CLASRP: variants seen among roughly 807,000 people sequenced by gnomAD.
CLASRP encodes the protein CLK4-associating serine/arginine rich protein.
CLASRP carries 52 observed loss-of-function variants against 99.9 expected under a neutral mutation model. The ratio of observed to expected loss-of-function variants is 0.52; its 90% CI spans 0.42 to 0.66. The LOEUF (loss-of-function observed/expected upper bound fraction) is 0.66. CLASRP is among the 30% of genes least tolerant of loss of function. CLASRP has a pLI of 0.00. For synonymous variants in CLASRP, 379 were observed against 373.0 expected (o/e 1.02, Z -0.18); for missense variants, 848 against 999.2 (o/e 0.85, Z 2.04).
Position 45,052,276 on chromosome 19 carries a change from G to T in CLASRP, c.197+108G>T, listed in dbSNP as rs375029997. ...GACTGAAGTATGGACAGACCTTTGG[G>T]GACTCAGAGGCAGGGAAGGTGTGAC... is the stretch of plus-strand genomic sequence containing the variant. On this transcript the variant is annotated intron_variant, in intron 3 of 20. Coordinates refer to ENST00000221455, the MANE Select transcript of CLASRP (RefSeq NM_007056.3). 5.4e-4 allele frequency: 470 copies of T among 866,822 alleles called. 3 individuals are homozygous for T. The African/African-American group carries it at 7.0e-3, about 13-fold the overall frequency. 53.7% of individuals were successfully genotyped at this position (866,822 alleles called of 1,614,324 possible).
In CLASRP at chr19:45,068,019, G is replaced by A. The variant is rs752424431; in HGVS notation, c.1672G>A (p.Glu558Lys). ...PAVGEKLKKT[E>K]PAAGKETGAA... ...TCTGGCCCTGCCCCCACCCAGGACC[G>A]AACCTGCCGCTGGTAAAGAGACAGG... Residue 558 changes from glutamate (E) to lysine (K), a missense_variant, in exon 15 of 21, where the codon GAA becomes AAA. Around this residue, in one of 8 missense-constraint regions of CLASRP, gnomAD observed 489 missense variants for 434.7 expected, o/e 1.12. Coordinates refer to ENST00000221455, the MANE Select transcript of CLASRP (RefSeq NM_007056.3). 12 of 1,613,038 alleles carry A rather than the reference G, an allele frequency of 7.4e-6. No individual in the cohort carries two copies. The highest frequency in any genetic ancestry group is 9.3e-6 in the Non-Finnish European group (11 of 1,179,310).
At chr19:45,049,175 C>T (rs1045658209) in intron 2 of CLASRP, among the ~76,000 whole-genome samples, 2 of 152,136 alleles carry the variant, frequency 1.3e-5, no homozygotes, top group African/African-American at 2.4e-5. Flanking sequence ...GCTGACCCTG[C>T]CAGTAGCTTC....
At chr19:45,042,617 CTT>C (rs549129595) in intron 2 of CLASRP, among the ~76,000 whole-genome samples, 2 of 143,966 alleles carry the variant, frequency 1.4e-5, no homozygotes, top group African/African-American at 2.5e-5. Flanking sequence ...GCTCCAAAAT[CTT>C]TTTTTTTTTT....
At chr19:45,047,036 A>T (rs1358799199) in intron 2 of CLASRP, among the ~76,000 whole-genome samples, 1 of 152,130 alleles carries the variant, frequency 6.6e-6, no homozygotes, top group African/African-American at 2.4e-5. Context: ...TCCAAAAAAA[A>T]AAGTGGATTT....
Position 45,064,136 on chromosome 19 carries a change from G to GCTGCC in CLASRP, c.1031_1035dup (p.Ala346LeufsTer165). The GCTGCC allele has an allele frequency of 3.7e-6, 6 of 1,610,576 alleles. No homozygotes were observed. The highest frequency in any genetic ancestry group is 5.1e-6 in the Non-Finnish European group (6 of 1,179,438). On this transcript the variant is annotated frameshift_variant, in exon 12 of 21. Coordinates refer to ENST00000221455, the MANE Select transcript of CLASRP (RefSeq NM_007056.3). LOFTEE classifies it high-confidence loss of function. Reference sequence around the variant, plus strand: ...CGATGAGGAGGCAGCCGCAGCCGCTGCTGCCGCAGCAGCATCAGGAGTCAC... The same window carrying GCTGCC: ...CGATGAGGAGGCAGCCGCAGCCGCTGCTGCCCTGCCGCAGCAGCATCAGGAGTCAC...
rs1483128267 is a variant in CLASRP, at chr19:45,064,135, T to C, written c.1029T>C (p.Ala343=). 2 of 1,610,246 alleles carry C rather than the reference T, an allele frequency of 1.2e-6. No individual in the cohort carries two copies. Among genetic ancestry groups the C allele is most frequent in the Admixed American group, 1.7e-5 (1 of 59,924 alleles). ...GCGATGAGGAGGCAGCCGCAGCCGCTGCTGCCGCAGCAGCATCAGGAGTCA... is the reference window on the plus strand; with the variant it reads ...GCGATGAGGAGGCAGCCGCAGCCGCCGCTGCCGCAGCAGCATCAGGAGTCA... ...GGSDEEAAAA[A]AAAAASGVTT... is the part of the protein sequence containing the mutation. The change falls in exon 12 of 21, where the codon GCT becomes GCC. Residue 343 remains alanine (A), a synonymous_variant. Transcript: ENST00000221455.
rs182545030 is a variant in CLASRP, at chr19:45,048,069, C to G, written c.100-4002C>G. On this transcript the variant is annotated intron_variant, in intron 2 of 20. Transcript: ENST00000221455. ...CAGCCTGGGCAACAAGAGTGAAACT[C>G]TTGTCTCAAAACAAACAAACAAAAA... Among the ~76,000 whole-genome samples the G allele has an allele frequency of 2.6e-5, 4 of 151,834 alleles. No homozygotes were observed. The East Asian group carries it at 7.9e-4, about 30-fold the overall frequency.
chr19:45,064,348 GCTCCTCCTCCTC>G lies in CLASRP; in HGVS notation c.1140_1151del (p.Ser382_Ser385del). On this transcript the variant is annotated inframe_deletion, in exon 13 of 21. Coordinates refer to ENST00000221455, the MANE Select transcript of CLASRP (RefSeq NM_007056.3). ...CCTCCGTGCCCCGCCTGCAGCCGCCGCTCCTCCTCCTCCTCCTCCTCCTCTTCTGCCTCGAGG... is the reference window on the plus strand; with the variant it reads ...CCTCCGTGCCCCGCCTGCAGCCGCCGCTCCTCCTCCTCTTCTGCCTCGAGG... 5 of 1,525,918 alleles carry G rather than the reference GCTCCTCCTCCTC, an allele frequency of 3.3e-6. No homozygotes were observed. Among genetic ancestry groups the G allele is most frequent in the Non-Finnish European group, 3.5e-6 (4 of 1,140,472 alleles). 94.5% of individuals were successfully genotyped at this position (1,525,918 alleles called of 1,614,324 possible).
chr19:45,044,237 G>T (rs529684065), intron 2 of CLASRP, among the ~76,000 whole-genome samples: 1 of 152,326 alleles, frequency 6.6e-6, no homozygotes, highest in South Asian at 2.1e-4. Context: ...CACCAGCTTG[G>T]CATAGTAGTC....
At chr19:45,054,821 G>C (rs951820660) in intron 5 of CLASRP, among the ~76,000 whole-genome samples, 1 of 152,182 alleles carries the variant, frequency 6.6e-6, no homozygotes, top group Non-Finnish European at 1.5e-5. Flanking sequence ...GTGGTTGTAA[G>C]AGTTGAGTGA....
At chr19:45,069,561 A>C (rs1967184988) in intron 18 of CLASRP, 1 of 540,170 alleles carries the variant, frequency 1.9e-6, no homozygotes, top group Non-Finnish European at 3.3e-6. Flanking sequence ...ACCCACCGCC[A>C]TGGGTCTTTC....
At position 45,069,239 on chromosome 19, in the gene CLASRP, T is replaced by A; in HGVS notation, c.1865T>A (p.Ile622Asn). The change falls in exon 18 of 21, where the codon ATC becomes AAC. Residue 622 changes from isoleucine to asparagine, a missense_variant. Transcript: ENST00000221455. ...EDELRAMARKIRMKERERREK... is the reference protein window; with the variant it reads ...EDELRAMARKNRMKERERREK... ...GAGCTTCGAGCCATGGCCCGCAAGA[T>A]CCGCATGAAGTAAGACCTTGCCCCT... is the stretch of plus-strand genomic sequence containing the variant. 1 of 1,613,492 alleles carries A rather than the reference T, an allele frequency of 6.2e-7. No individual in the cohort carries two copies. Among genetic ancestry groups the A allele is most frequent in the Non-Finnish European group, 8.5e-7 (1 of 1,180,006 alleles).
At position 45,060,983 on chromosome 19, in the gene CLASRP, G is replaced by T. The variant is rs1017483979; in HGVS notation, c.863+356G>T. ...TGGCTTCTTCCTGTGTCGGAGTTTG[G>T]ACAAGTGACTTCCCGAACTCTCTGA... On this transcript the variant is annotated intron_variant, in intron 10 of 20. Transcript: ENST00000221455. The surrounding 1 kb of genome is among the most constrained non-coding windows in gnomAD (Gnocchi z 4.6). Among the ~76,000 whole-genome samples, 1 of 152,198 alleles carries T rather than the reference G, an allele frequency of 6.6e-6. No homozygotes were observed. Among genetic ancestry groups the T allele is most frequent in the Non-Finnish European group, 1.5e-5 (1 of 68,032 alleles).
At chr19:45,052,036 T>C in intron 2 of CLASRP, 35 bp from the exon 3 acceptor site, 1 of 1,564,838 alleles carries the variant, frequency 6.4e-7, no homozygotes, top group Non-Finnish European at 8.8e-7. Flanking sequence ...TGGAGCTCTG[T>C]TGGGTGGTGA....
chr19:45,053,005 G>C, intron 4 of CLASRP, 93 bp from the exon 5 acceptor site: 6 of 1,550,754 alleles, frequency 3.9e-6, no homozygotes, highest in Non-Finnish European at 8.9e-7. Flanking sequence ...GTACCGCCCT[G>C]AGCCTGAGGG....
At chr19:45,064,985 G>A (rs965402722) in intron 13 of CLASRP, among the ~76,000 whole-genome samples, 2 of 152,136 alleles carry the variant, frequency 1.3e-5, no homozygotes, top group African/African-American at 4.8e-5. Context: ...GTTTTCTGTA[G>A]CTTGAAGGGA....
intron 2 of CLASRP, among the ~76,000 whole-genome samples, chr19:45,045,545 G>A (rs560044461): frequency 3.3e-5 from 5 of 152,110 alleles, no homozygotes; most frequent in South Asian, 4.2e-4. Flanking sequence ...ATGTTTTCCC[G>A]TAACATTTCC....
rs1967130747 is a variant in CLASRP, at chr19:45,067,948, T to A, written c.1668-67T>A. 2 of 1,195,110 alleles carry A rather than the reference T, an allele frequency of 1.7e-6. No individual in the cohort carries two copies. Among genetic ancestry groups the A allele is most frequent in the Non-Finnish European group, 2.5e-6 (2 of 798,726 alleles). 74.0% of individuals were successfully genotyped at this position (1,195,110 alleles called of 1,614,324 possible). On this transcript the variant is annotated intron_variant, in intron 14 of 20. Coordinates refer to ENST00000221455, the MANE Select transcript of CLASRP (RefSeq NM_007056.3). This position sits in a 1 kb window ranked among gnomAD's most constrained non-coding sequence, Gnocchi z 4.9. ...CCTGGTCTGAGGGCAGTGCTGAGGC[T>A]GGGGTCAGAGGTGGCAGCTGCCCTT...
At chr19:45,053,310 C>T (rs979309361) in intron 5 of CLASRP, 133 bp downstream of exon 5, 4 of 775,206 alleles carry the variant, frequency 5.2e-6, no homozygotes, top group Non-Finnish European at 8.5e-6. Context: ...TCCAGCTCTA[C>T]GATAGACTCA....
Sources: allele counts gnomAD v4.1 joint callset (sites outside exome capture counted in the v4.1 genomes callset), GRCh38; gene constraint gnomAD v4.1.1; regional missense constraint gnomAD v4.1.1; non-coding constraint Gnocchi (gnomAD v3.1); transcripts MANE v1.5; gene names NCBI Gene and HGNC (gene_info 2026-07-23, HGNC 2026-07-21).